COL11A1: variants seen among roughly 807,000 people sequenced by gnomAD.
COL11A1 encodes the protein collagen alpha-1(XI) chain.
Under a neutral mutation model 265.2 loss-of-function variants are expected in COL11A1, and 74 were observed. The ratio of observed to expected loss-of-function variants is 0.28; its 90% confidence interval spans 0.23 to 0.34. The LOEUF is 0.34. Among genes scored for constraint, COL11A1 ranks in the 10% least tolerant of loss-of-function variants. The pLI is 1.00. For missense variants in COL11A1, 2,165 were observed against 2,263.6 expected (o/e 0.96, Z 0.88); for synonymous variants, 816 against 727.6 (o/e 1.12, Z -1.96).
At chr1:103,042,449 C>T (rs576968903) in intron 4 of COL11A1, among the ~76,000 whole-genome samples, 2 of 151,920 alleles carry the variant, frequency 1.3e-5, no homozygotes, top group African/African-American at 4.8e-5. Context: ...CTGTTGGCAC[C>T]CCAATTCCTA....
At chr1:103,049,499 A>C (rs554996372) in intron 4 of COL11A1, among the ~76,000 whole-genome samples, 2 of 152,146 alleles carry the variant, frequency 1.3e-5, no homozygotes, top group Admixed American at 1.3e-4. Context: ...GTATCTCTGC[A>C]GGTGAGATGG....
chr1:103,005,827 A>T lies in COL11A1; in HGVS notation c.1845+11T>A, dbSNP rs201513205. The stretch of plus-strand genomic sequence containing the variant: ...ACATTCCCTGGAAAAAAAGGAATAG[A>T]TGTATCTTACCCTGTGACCTTTGTC... On this transcript the variant is annotated intron_variant, in intron 18 of 66. Transcript: ENST00000370096. The T allele has an allele frequency of 1.2e-6, 2 of 1,613,952 alleles. No individual in the cohort carries two copies. The highest frequency in any genetic ancestry group is 2.2e-5 in the East Asian group (1 of 44,854).
chr1:102,936,539 G>A (rs949982246), intron 44 of COL11A1, among the ~76,000 whole-genome samples: 6 of 152,072 alleles, frequency 3.9e-5, no homozygotes, highest in African/African-American at 1.4e-4. Flanking sequence ...AAACTTTAAA[G>A]CAAAAATTAG....
chr1:102,937,653 G>T (rs762852861), intron 44 of COL11A1, among the ~76,000 whole-genome samples: 1 of 152,084 alleles, frequency 6.6e-6, no homozygotes, highest in Non-Finnish European at 1.5e-5. Flanking sequence ...TGTAGGGTTT[G>T]GTCCCTCCTT....
At chr1:102,881,608 A>T (rs1650250996) in intron 65 of COL11A1, 89 bp downstream of exon 65, 1 of 1,050,364 alleles carries the variant, frequency 9.5e-7, no homozygotes, top group Admixed American at 1.8e-5. Context: ...CATAATTTAG[A>T]CTTTCACTGT....
At chr1:102,918,131 T>C (rs1054345691) in intron 49 of COL11A1, among the ~76,000 whole-genome samples, 1 of 151,128 alleles carries the variant, frequency 6.6e-6, no homozygotes, top group Non-Finnish European at 1.5e-5. Flanking sequence ...TAATAATTAA[T>C]ATGTTTTATG....
At chr1:103,007,464 G>A (rs1665724786) in intron 15 of COL11A1, among the ~76,000 whole-genome samples, 1 of 151,942 alleles carries the variant, frequency 6.6e-6, no homozygotes, top group Non-Finnish European at 1.5e-5. Context: ...GAAACAATAT[G>A]CATATAATAA....
At chr1:103,005,708 C>T in intron 18 of COL11A1, 130 bp downstream of exon 18, 2 of 991,992 alleles carry the variant, frequency 2.0e-6, no homozygotes, top group Non-Finnish European at 3.1e-6. Flanking sequence ...CTTCTAGTAT[C>T]TATTAGATTA....
chr1:102,991,721 A>G (rs974681340), intron 28 of COL11A1, among the ~76,000 whole-genome samples: 3 of 152,140 alleles, frequency 2.0e-5, no homozygotes, highest in Admixed American at 2.0e-4. Flanking sequence ...TTAGCAAGGT[A>G]TATTAAAGTC....
Position 103,077,326 on chromosome 1 carries a change from G to GT in COL11A1, c.488+1331dup, listed in dbSNP as rs200358749. The stretch of plus-strand genomic sequence containing the variant: ...TGGGCTGCAATAAATTGATGTTTTT[G>GT]TTTTTTTTTCTTCAGTTAGGAAAGC... On this transcript the variant is annotated intron_variant, in intron 3 of 66. Transcript: ENST00000370096. Among the ~76,000 whole-genome samples, 52 of 147,542 alleles carry GT rather than the reference G, an allele frequency of 3.5e-4. No homozygotes were observed. The Middle Eastern group carries it at 0.011, about 30-fold the overall frequency.
chr1:102,898,204 T>G, intron 56 of COL11A1, 26 bp from the exon 57 acceptor site: 1 of 1,195,280 alleles, frequency 8.4e-7, no homozygotes, highest in Non-Finnish European at 1.1e-6. Flanking sequence ...ATGATTGATT[T>G]TTAAAATTAA....
chr1:102,999,351 G>C (rs1358500688), intron 24 of COL11A1, among the ~76,000 whole-genome samples: 1 of 151,926 alleles, frequency 6.6e-6, no homozygotes, highest in Non-Finnish European at 1.5e-5. Flanking sequence ...AAATGTGGCA[G>C]CGTTGCAATC....
chr1:102,945,497 A>G (rs1659173477), intron 42 of COL11A1, among the ~76,000 whole-genome samples: 1 of 152,222 alleles, frequency 6.6e-6, no homozygotes, highest in African/African-American at 2.4e-5. Flanking sequence ...ATAATCAGAG[A>G]AAATGCATAG....
chr1:102,920,268 T>C (rs1655824580), intron 49 of COL11A1, 43 bp downstream of exon 49: 1 of 1,555,350 alleles, frequency 6.4e-7, no homozygotes, highest in African/African-American at 1.4e-5. Flanking sequence ...ATTACAGTTC[T>C]TAATTCATGC....
chr1:103,086,502 C>T (rs1379855246), intron 1 of COL11A1, among the ~76,000 whole-genome samples: 2 of 152,092 alleles, frequency 1.3e-5, no homozygotes, highest in African/African-American at 2.4e-5. Context: ...CTGCAAGCCC[C>T]GCCTCCCAGG....
chr1:103,090,186 C>T (rs1673206257), intron 1 of COL11A1, among the ~76,000 whole-genome samples: 1 of 151,582 alleles, frequency 6.6e-6, no homozygotes, highest in Non-Finnish European at 1.5e-5. Context: ...ATAAAGTAGC[C>T]TTCCTAATGT....
chr1:102,954,838 C>A (rs1396915080), intron 41 of COL11A1, among the ~76,000 whole-genome samples: 1 of 115,048 alleles, frequency 8.7e-6, no homozygotes, highest in Non-Finnish European at 1.9e-5. Flanking sequence ...GAGCGAAACT[C>A]CCTCTTGAAA....
chr1:102,913,537 A>C (rs1015095037), intron 53 of COL11A1, 100 bp downstream of exon 53: 177 of 1,156,560 alleles, frequency 1.5e-4, no homozygotes, highest in Non-Finnish European at 2.3e-4. Flanking sequence ...GTGCATATAC[A>C]TAGAGCTATG....
intron 4 of COL11A1, among the ~76,000 whole-genome samples, chr1:103,061,618 C>A (rs1346394465): frequency 6.6e-6 from 1 of 151,810 alleles, no homozygotes; most frequent in Non-Finnish European, 1.5e-5. Context: ...ATACTTCTAA[C>A]TAATACATGG....
Sources: allele counts gnomAD v4.1 joint callset (sites outside exome capture counted in the v4.1 genomes callset), GRCh38; gene constraint gnomAD v4.1.1; transcripts MANE v1.5; gene names NCBI Gene and HGNC (gene_info 2026-07-23, HGNC 2026-07-21).